Variants in INSYN2B observed in about 807,000 individuals in gnomAD.
INSYN2B encodes protein INSYN2B.
INSYN2B carries 16 observed loss-of-function variants against 41.2 expected under a neutral mutation model. The observed-to-expected ratio is 0.39, with a 90% CI of 0.26 to 0.59. The LOEUF (loss-of-function observed/expected upper bound fraction) is 0.59, where lower values mean the gene tolerates loss of function less well. Among genes scored for constraint, INSYN2B ranks in the 20% least tolerant of loss-of-function variants. The pLI is 0.57. For missense variants in INSYN2B, 608 were observed against 646.4 expected, an observed-to-expected ratio of 0.94 and a Z score of 0.64; for synonymous variants, 245 against 244.4, an observed-to-expected ratio of 1.00 and a Z score of -0.02.
chr5:169,890,599 T>C (rs1033122550), intron 1 of INSYN2B, among the ~76,000 whole-genome samples: 16 of 152,220 alleles, frequency 1.1e-4, no homozygotes, highest in Admixed American at 3.3e-4. Flanking sequence ...TGCCTAAATC[T>C]ACATTCTGTT....
At chr5:169,880,718 A>G (rs1207331448) in intron 3 of INSYN2B, among the ~76,000 whole-genome samples, 1 of 152,200 alleles carries the variant, frequency 6.6e-6, no homozygotes, top group Non-Finnish European at 1.5e-5. Flanking sequence ...CTATTCAGAT[A>G]AGGAAAGTGA....
rs1774621467 is a variant in INSYN2B at position 169,911,962 on chromosome 5, G to A, written c.-918-27146C>T. ...TTTTCATTTCCATGATGTTTCCTAG[G>A]TTGAAATTGTTCTCTCTAGAATGAT... On this transcript the variant is annotated intron_variant, in intron 1 of 3. Coordinates refer to ENST00000377365, the MANE Select transcript of INSYN2B (RefSeq NM_001129891.3). Among the ~76,000 whole-genome samples, 5 of 152,240 alleles carry A rather than the reference G, an allele frequency of 3.3e-5. No individual in the cohort carries two copies. In the South Asian group the frequency reaches 1.0e-3, roughly 32 times the overall value.
intron 1 of INSYN2B, among the ~76,000 whole-genome samples, chr5:169,913,437 C>T (rs1012347100): frequency 6.6e-6 from 1 of 152,208 alleles, no homozygotes; most frequent in Non-Finnish European, 1.5e-5. Context: ...AGAACAAGCT[C>T]ATTGCCAAGG....
intron 1 of INSYN2B, among the ~76,000 whole-genome samples, chr5:169,904,048 G>A (rs1191890674): frequency 3.6e-5 from 5 of 139,116 alleles, no homozygotes; most frequent in African/African-American, 8.4e-5. Flanking sequence ...AGCCGAGATC[G>A]TTCCATTGAC....
chr5:169,959,032 G>T (rs1447020129), intron 1 of INSYN2B, among the ~76,000 whole-genome samples: 2 of 152,146 alleles, frequency 1.3e-5, no homozygotes, highest in African/African-American at 4.8e-5. Context: ...CTAGGACTGG[G>T]CAGAAACAAC....
chr5:169,918,820 G>A (rs1775020613), intron 1 of INSYN2B, among the ~76,000 whole-genome samples: 2 of 152,216 alleles, frequency 1.3e-5, no homozygotes, highest in Admixed American at 1.3e-4. Flanking sequence ...GGCTGAGGCA[G>A]GAGGATTGCT....
rs1197160732 is a variant in INSYN2B, at chr5:169,862,968, T to C, written c.*1305A>G. On this transcript the variant is annotated 3_prime_UTR_variant, in exon 4 of 4. Coordinates refer to ENST00000377365, the MANE Select transcript of INSYN2B (RefSeq NM_001129891.3). ...CAGGCTCCCTTTCTAGCAATGTCAATCTAACCACATGCTGATAGAGATTTT... is the reference window on the plus strand; with the variant it reads ...CAGGCTCCCTTTCTAGCAATGTCAACCTAACCACATGCTGATAGAGATTTT... Among the ~76,000 whole-genome samples the C allele has an allele frequency of 6.6e-6, 1 of 152,238 alleles. No homozygotes were observed. Among genetic ancestry groups the C allele is most frequent in the Non-Finnish European group, 1.5e-5 (1 of 68,048 alleles).
chr5:169,932,858 G>A (rs1186188598), intron 1 of INSYN2B, among the ~76,000 whole-genome samples: 1 of 149,742 alleles, frequency 6.7e-6, no homozygotes, highest in African/African-American at 2.5e-5. Flanking sequence ...AATTTCCCAG[G>A]GCCAAATAAA....
intron 3 of INSYN2B, among the ~76,000 whole-genome samples, chr5:169,867,235 C>T (rs749797991): frequency 1.1e-4 from 17 of 152,204 alleles, no homozygotes; most frequent in Non-Finnish European, 2.1e-4. Flanking sequence ...TCTTGACCCA[C>T]AATCAGATTA....
chr5:169,898,815 C>T (rs918209241), intron 1 of INSYN2B, among the ~76,000 whole-genome samples: 5 of 152,116 alleles, frequency 3.3e-5, no homozygotes, highest in Admixed American at 3.3e-4. Flanking sequence ...TTTACCCAAA[C>T]AGGTAGCAGG....
intron 1 of INSYN2B, among the ~76,000 whole-genome samples, chr5:169,972,971 C>T (rs1777578162): frequency 6.6e-6 from 1 of 152,156 alleles, no homozygotes; most frequent in Non-Finnish European, 1.5e-5. Flanking sequence ...AGATCTCTTG[C>T]AGCAGAAACA....
At chr5:169,945,728 C>G (rs1776423201) in intron 1 of INSYN2B, among the ~76,000 whole-genome samples, 1 of 152,184 alleles carries the variant, frequency 6.6e-6, no homozygotes, top group Non-Finnish European at 1.5e-5. Context: ...TTCTTTCAGC[C>G]TGCAGAACAC....
intron 1 of INSYN2B, among the ~76,000 whole-genome samples, chr5:169,926,178 A>G (rs754262017): frequency 2.0e-5 from 3 of 152,166 alleles, no homozygotes; most frequent in Non-Finnish European, 4.4e-5. Context: ...TATAGTCGGC[A>G]TGGATGTGGA....
chr5:169,932,004 C>A (rs1226638168), intron 1 of INSYN2B, among the ~76,000 whole-genome samples: 1 of 152,232 alleles, frequency 6.6e-6, no homozygotes, highest in Non-Finnish European at 1.5e-5. Context: ...AGGAATACAG[C>A]CATAAGCCCA....
At chr5:169,949,359 A>G (rs1776569865) in intron 1 of INSYN2B, among the ~76,000 whole-genome samples, 1 of 152,206 alleles carries the variant, frequency 6.6e-6, no homozygotes. Context: ...ATGGAGGCCC[A>G]TGAGAGGAGA....
intron 1 of INSYN2B, among the ~76,000 whole-genome samples, chr5:169,940,861 C>G (rs1393246361): frequency 6.6e-6 from 1 of 152,214 alleles, no homozygotes; most frequent in Non-Finnish European, 1.5e-5. Context: ...GTTCATGGTC[C>G]AGGTGTTGGG....
chr5:169,881,515 G>T lies in INSYN2B; in HGVS notation c.1347-73C>A. On this transcript the variant is annotated intron_variant, in intron 2 of 3. Transcript: ENST00000377365. ...TGGGCCACAAACATTCAACCTACTTGTCCCTTAGTCCCTATAGCACAGCAT... is the reference window on the plus strand; with the variant it reads ...TGGGCCACAAACATTCAACCTACTTTTCCCTTAGTCCCTATAGCACAGCAT... The T allele has an allele frequency of 7.1e-6, 8 of 1,130,820 alleles. No homozygotes were observed. The South Asian group carries it at 9.3e-5, about 13-fold the overall frequency. 70.0% of individuals were successfully genotyped at this position (1,130,820 alleles called of 1,614,324 possible).
At chr5:169,873,817 G>C (rs181955149) in intron 3 of INSYN2B, among the ~76,000 whole-genome samples, 13 of 152,300 alleles carry the variant, frequency 8.5e-5, no homozygotes, top group Non-Finnish European at 1.3e-4. Flanking sequence ...AGCACTCTCA[G>C]ACCTCCAACC....
chr5:169,944,581 C>T (rs1365519452), intron 1 of INSYN2B, among the ~76,000 whole-genome samples: 2 of 152,200 alleles, frequency 1.3e-5, no homozygotes, highest in African/African-American at 2.4e-5. Context: ...ATGGAGTGAC[C>T]TTGGGAGAGC....
Sources: gnomAD v4.1 joint callset for allele counts (sites outside exome capture counted in the v4.1 genomes callset) on GRCh38, gnomAD v4.1.1 for gene constraint, MANE v1.5 for transcripts, NCBI Gene and HGNC (gene_info 2026-07-23, HGNC 2026-07-21) for gene names.